FGF6: variants seen among roughly 807,000 people sequenced by gnomAD.
FGF6 encodes the protein fibroblast growth factor 6, also known as FGF-6.
Under a neutral mutation model 18.4 loss-of-function variants are expected in FGF6, and 14 were observed. The ratio of observed to expected loss-of-function variants is 0.76; its 90% CI spans 0.50 to 1.19. FGF6 has a LOEUF of 1.19. Ranked by LOEUF, FGF6 falls within the 50% of genes most tolerant of loss-of-function variation. The pLI is 0.00. For synonymous variants in FGF6, 125 were observed against 116.7 expected (o/e 1.07, Z -0.46); for missense variants, 266 against 271.6 (o/e 0.98, Z 0.15).
chr12:4,439,688 T>C (rs893020412), intron 2 of FGF6, among the ~76,000 whole-genome samples: 1 of 152,214 alleles, frequency 6.6e-6, no homozygotes, highest in Non-Finnish European at 1.5e-5. Flanking sequence ...TATTTTTTTT[T>C]CAAGTTTACT....
intron 2 of FGF6, among the ~76,000 whole-genome samples, 161 bp downstream of exon 2, chr12:4,443,972 A>T (rs1309491164): frequency 6.6e-6 from 1 of 152,222 alleles, no homozygotes; most frequent in East Asian, 1.9e-4. Flanking sequence ...AGGCTGAAGA[A>T]GCACAAGCTG....
chr12:4,436,985 A>G (rs1470071206), intron 2 of FGF6, among the ~76,000 whole-genome samples: 1 of 152,236 alleles, frequency 6.6e-6, no homozygotes, highest in African/African-American at 2.4e-5. Flanking sequence ...GGATGAACTA[A>G]TCAATGTAGG....
chr12:4,441,769 TA>T (rs1197422176), intron 2 of FGF6, among the ~76,000 whole-genome samples: 1 of 152,016 alleles, frequency 6.6e-6, no homozygotes, highest in East Asian at 1.9e-4. Context: ...TCCGGGGGCT[TA>T]AAAGGAAATA....
chr12:4,434,391 G>T lies in FGF6; in HGVS notation c.451C>A (p.Pro151Thr). The T allele has an allele frequency of 4.3e-6, 7 of 1,614,140 alleles. No individual in the cohort carries two copies. The highest frequency in any genetic ancestry group is 5.9e-6 in the Non-Finnish European group (7 of 1,180,008). ...AACTTGCATTCTTCTTGGAAGCTGG[G>T]CTGTGGAAGACATGGGCAAACAGCA... The part of the protein sequence containing the change: ...MNSKGRLYAT[P>T]SFQEECKFRE... Residue 151 changes from proline to threonine, a missense_variant and splice_region_variant, in exon 3 of 3, where the codon CCC becomes ACC. Coordinates refer to ENST00000228837, the MANE Select transcript of FGF6 (RefSeq NM_020996.3).
intron 2 of FGF6, among the ~76,000 whole-genome samples, chr12:4,435,510 G>A (rs1865617921): frequency 6.6e-6 from 1 of 152,136 alleles, no homozygotes; most frequent in African/African-American, 2.4e-5. Context: ...GGTCCCTGGT[G>A]CCAAAAAGGC....
intron 2 of FGF6, 99 bp from the exon 3 acceptor site, chr12:4,434,490 C>A: frequency 8.9e-7 from 1 of 1,123,734 alleles, no homozygotes; most frequent in Non-Finnish European, 1.3e-6. Context: ...TGCCAGGTGC[C>A]CTTCCCTTCT....
chr12:4,438,751 CAAAAAA>C (rs386375443), intron 2 of FGF6, among the ~76,000 whole-genome samples: 17 of 39,728 alleles, frequency 4.3e-4, no homozygotes, highest in Admixed American at 9.9e-4. Context: ...GACTCTATCT[CAAAAAA>C]AAAAAAAAAA....
rs1865742929 is a variant in FGF6 at position 4,445,181 on chromosome 12, G to C, written c.346+44C>G. 6.6e-7 allele frequency: 1 copy of C among 1,524,696 alleles called. No individual in the cohort carries two copies. The highest frequency in any genetic ancestry group is 1.2e-5 in the South Asian group (1 of 84,254). The allele number at this position is 1,524,696 out of a possible 1,614,324, so 94.4% of individuals were successfully genotyped here. A position where few individuals can be genotyped will look rare whatever the true frequency, so the allele number is the denominator to read the frequency against. ...CCCTTCACCTTTTAGCCCTGCATGA[G>C]CCCAAACCCCCAAGCGTCCCGACTG... On this transcript the variant is annotated intron_variant, in intron 1 of 2. Coordinates refer to ENST00000228837, the MANE Select transcript of FGF6 (RefSeq NM_020996.3). This position sits in a 1 kb window ranked among gnomAD's most constrained non-coding sequence, Gnocchi z 5.5.
rs1865757346 is a variant in FGF6 at position 4,445,674 on chromosome 12, G to A, written c.-104C>T. On this transcript the variant is annotated 5_prime_UTR_variant, in exon 1 of 3. Transcript: ENST00000228837. The surrounding 1 kb of genome is among the most constrained non-coding windows in gnomAD (Gnocchi z 5.5). ...GGCGGCAGGGGCTTATTTTTGGAAG[G>A]CAGATGAAGGCTGCTGACATGAAAC... 3.3e-6 allele frequency: 3 copies of A among 914,742 alleles called. No individual in the cohort carries two copies. The highest frequency in any genetic ancestry group is 1.7e-5 in the African/African-American group (1 of 59,792). 56.7% of individuals were successfully genotyped at this position (914,742 alleles called of 1,614,324 possible). A position where few individuals can be genotyped will look rare whatever the true frequency, so the allele number is the denominator to read the frequency against.
intron 2 of FGF6, among the ~76,000 whole-genome samples, chr12:4,440,005 T>G (rs903481654): frequency 6.6e-6 from 1 of 152,224 alleles, no homozygotes; most frequent in African/African-American, 2.4e-5. Flanking sequence ...TTCATCTTCA[T>G]CAGAGCCCTG....
At chr12:4,437,853 C>T (rs890245940) in intron 2 of FGF6, among the ~76,000 whole-genome samples, 1 of 151,150 alleles carries the variant, frequency 6.6e-6, no homozygotes, top group African/African-American at 2.4e-5. Flanking sequence ...AAAAAAAGAA[C>T]CATTAAAATC....
intron 2 of FGF6, among the ~76,000 whole-genome samples, chr12:4,438,848 C>G (rs1002104563): frequency 6.7e-6 from 1 of 149,012 alleles, no homozygotes; most frequent in Non-Finnish European, 1.5e-5. Flanking sequence ...AGATAAGAAG[C>G]CTCTCTGTAA....
intron 2 of FGF6, among the ~76,000 whole-genome samples, chr12:4,438,751 CAAAA>C (rs386375443): frequency 1.8e-4 from 7 of 39,728 alleles, no homozygotes; most frequent in Non-Finnish European, 2.5e-4. Context: ...GACTCTATCT[CAAAA>C]AAAAAAAAAA....
intron 2 of FGF6, among the ~76,000 whole-genome samples, chr12:4,434,771 C>T (rs975356272): frequency 1.3e-5 from 2 of 152,164 alleles, no homozygotes; most frequent in African/African-American, 4.8e-5. Flanking sequence ...CAGGAAATGA[C>T]ACAAGCTGTT....
rs1379502504 is a variant in FGF6, at chr12:4,445,003, C to T, written c.346+222G>A. On this transcript the variant is annotated intron_variant, in intron 1 of 2. Transcript: ENST00000228837. This position sits in a 1 kb window ranked among gnomAD's most constrained non-coding sequence, Gnocchi z 5.5. Reference sequence around the variant, plus strand: ...AGTAATGCTGAAATAGTTAGTGCCACTGAGGATCTAACCAAGGCGATGGCA... The same window carrying T: ...AGTAATGCTGAAATAGTTAGTGCCATTGAGGATCTAACCAAGGCGATGGCA... Among the ~76,000 whole-genome samples the T allele has an allele frequency of 3.3e-5, 5 of 152,200 alleles. No individual in the cohort carries two copies. Among genetic ancestry groups the T allele is most frequent in the Non-Finnish European group, 5.9e-5 (4 of 68,042 alleles).
At chr12:4,435,806 G>A (rs1865621350) in intron 2 of FGF6, among the ~76,000 whole-genome samples, 1 of 152,110 alleles carries the variant, frequency 6.6e-6, no homozygotes, top group Non-Finnish European at 1.5e-5. Context: ...TTCATTCCCA[G>A]TACATCACCC....
chr12:4,439,417 T>C (rs978308208), intron 2 of FGF6, among the ~76,000 whole-genome samples: 14 of 152,094 alleles, frequency 9.2e-5, no homozygotes, highest in Admixed American at 9.2e-4. Context: ...GGAAATGAAA[T>C]CTTGAGGTGG....
At chr12:4,436,641 G>A (rs1418540739) in intron 2 of FGF6, among the ~76,000 whole-genome samples, 2 of 152,006 alleles carry the variant, frequency 1.3e-5, no homozygotes, top group African/African-American at 2.4e-5. Context: ...AAGTAAATAA[G>A]GACAGCACAG....
chr12:4,444,835 C>A (rs967954568), intron 1 of FGF6, among the ~76,000 whole-genome samples: 9 of 152,182 alleles, frequency 5.9e-5, no homozygotes, highest in Non-Finnish European at 1.3e-4. Flanking sequence ...TTGAATTTCC[C>A]TTCCTTCTCC....
Sources: gnomAD v4.1 joint callset for allele counts (sites outside exome capture counted in the v4.1 genomes callset) on GRCh38, gnomAD v4.1.1 for gene constraint, Gnocchi (gnomAD v3.1) non-coding constraint, MANE v1.5 for transcripts, NCBI Gene and HGNC (gene_info 2026-07-23, HGNC 2026-07-21) for gene names.